PDSS2: variants seen among roughly 807,000 people sequenced by gnomAD.
PDSS2 encodes decaprenyl diphosphate synthase subunit 2.
In PDSS2, 31 loss-of-function variants were observed where a neutral mutation model predicts 44.5. The ratio of observed to expected loss-of-function variants is 0.70; its 90% CI spans 0.52 to 0.94. PDSS2 has a LOEUF of 0.94. PDSS2 is among the 40% of genes least tolerant of loss of function. PDSS2 has a pLI of 0.00. For missense variants in PDSS2, 452 were observed against 482.2 expected (o/e 0.94, Z 0.59); for synonymous variants, 157 against 180.3 (o/e 0.87, Z 1.03).
intron 1 of PDSS2, among the ~76,000 whole-genome samples, chr6:107,354,837 A>G (rs761057484): frequency 1.3e-5 from 2 of 152,218 alleles, no homozygotes; most frequent in African/African-American, 4.8e-5. Context: ...CCTGCAAAAT[A>G]ATATTTGGTA....
At chr6:107,265,804 G>A (rs1028281671) in intron 3 of PDSS2, among the ~76,000 whole-genome samples, 3 of 152,168 alleles carry the variant, frequency 2.0e-5, no homozygotes, top group African/African-American at 7.2e-5. Context: ...GCCAGATGTG[G>A]TGGTGGGCAC....
intron 1 of PDSS2, among the ~76,000 whole-genome samples, chr6:107,389,218 T>C (rs1447869469): frequency 6.6e-6 from 1 of 152,186 alleles, no homozygotes; most frequent in African/African-American, 2.4e-5. Context: ...TGAACTTTCA[T>C]GTATAAAAAG....
rs1782121143 is a variant in PDSS2, at chr6:107,458,412, C to CAAAAAAAGAAAAAA, written c.296+577_296+578insTTTTTTCTTTTTTT. Among the ~76,000 whole-genome samples, 2 of 78,182 alleles carry CAAAAAAAGAAAAAA rather than the reference C, an allele frequency of 2.6e-5. 1 individual carries two copies. The highest frequency in any genetic ancestry group is 4.9e-5 in the Non-Finnish European group (2 of 40,424). The allele number at this position is 78,182 out of a possible 152,430, so 51.3% of individuals were successfully genotyped here. On this transcript the variant is annotated intron_variant, in intron 1 of 7. Coordinates refer to ENST00000369037, the MANE Select transcript of PDSS2 (RefSeq NM_020381.4). The stretch of plus-strand genomic sequence containing the variant: ...TGGGCGACAAAGCGAGACTCCGTCT[C>CAAAAAAAGAAAAAA]AAAAAAAAAAAAAAAAAAAACTTTT...
chr6:107,159,444 T>G (rs1582711233), intron 7 of PDSS2, among the ~76,000 whole-genome samples: 1 of 138,104 alleles, frequency 7.2e-6, no homozygotes. Flanking sequence ...TGAGATGGAG[T>G]CTTGCTCTGT....
intron 4 of PDSS2, among the ~76,000 whole-genome samples, chr6:107,225,159 ATATTTTTTTTTTTTTTT>A (rs1178326960): frequency 1.7e-4 from 8 of 46,606 alleles, no homozygotes; most frequent in South Asian, 1.6e-3. Flanking sequence ...ATATATATAT[ATATTTTTTTTTTTTTTT>A]TTTTTTTTTT....
intron 1 of PDSS2, among the ~76,000 whole-genome samples, chr6:107,435,057 G>C (rs185418713): frequency 3.3e-5 from 5 of 151,944 alleles, no homozygotes; most frequent in Non-Finnish European, 5.9e-5. Flanking sequence ...CAGGAGGATT[G>C]GTTGAGCCCA....
At chr6:107,437,742 G>A (rs145372687) in intron 1 of PDSS2, among the ~76,000 whole-genome samples, 10 of 152,070 alleles carry the variant, frequency 6.6e-5, no homozygotes, top group South Asian at 4.2e-4. Flanking sequence ...AAAAATCTGC[G>A]TATAAGTAGA....
At chr6:107,181,388 C>CCTGGCAT (rs1257096799) in intron 7 of PDSS2, among the ~76,000 whole-genome samples, 1 of 150,902 alleles carries the variant, frequency 6.6e-6, no homozygotes, top group Non-Finnish European at 1.5e-5. Context: ...CAAAATGTAG[C>CCTGGCAT]CTGGCATGGC....
In PDSS2 at chr6:107,154,626, A is replaced by T. The variant is rs782189106; in HGVS notation, c.1193T>A (p.Phe398Tyr). 3 of 1,614,166 alleles carry T rather than the reference A, an allele frequency of 1.9e-6. No individual in the cohort carries two copies. The Admixed American group carries it at 5.0e-5, about 27-fold the overall frequency. ...TGTCTTTTTAATTTGATGTCATGAAAATCTGGTCACAGCAAACACAATGTT... is the reference window on the plus strand; with the variant it reads ...TGTCTTTTTAATTTGATGTCATGAATATCTGGTCACAGCAAACACAATGTT... ...LENIVFAVTR[F>Y]S Residue 398 changes from phenylalanine to tyrosine, a missense_variant, in exon 8 of 8, where the codon TTT becomes TAT. Phe to Tyr is a conservative substitution (Grantham distance 22). Coordinates refer to ENST00000369037, the MANE Select transcript of PDSS2 (RefSeq NM_020381.4).
chr6:107,282,186 G>A (rs184816589), intron 2 of PDSS2, among the ~76,000 whole-genome samples: 1 of 152,270 alleles, frequency 6.6e-6, no homozygotes, highest in Admixed American at 6.5e-5. Context: ...GATTAGAGGT[G>A]TGAGCCACTG....
chr6:107,261,815 G>T (rs1489131802), intron 3 of PDSS2, among the ~76,000 whole-genome samples: 1 of 150,762 alleles, frequency 6.6e-6, no homozygotes, highest in Non-Finnish European at 1.5e-5. Flanking sequence ...CTGACCTCAG[G>T]TGATCAACCT....
intron 2 of PDSS2, among the ~76,000 whole-genome samples, chr6:107,282,132 C>T (rs1445332299): frequency 6.6e-6 from 1 of 152,136 alleles, no homozygotes; most frequent in African/African-American, 2.4e-5. Context: ...TCTCGAACCG[C>T]TGACCTCAGG....
intron 1 of PDSS2, among the ~76,000 whole-genome samples, chr6:107,387,134 A>C (rs1263322411): frequency 6.6e-6 from 1 of 152,190 alleles, no homozygotes; most frequent in African/African-American, 2.4e-5. Flanking sequence ...CACATTCCCA[A>C]GGAGGGTCTG....
intron 2 of PDSS2, among the ~76,000 whole-genome samples, chr6:107,329,347 C>T (rs1378878514): frequency 6.6e-6 from 1 of 152,198 alleles, no homozygotes; most frequent in African/African-American, 2.4e-5. Flanking sequence ...GAACTCCCCA[C>T]AATTTATCCA....
At chr6:107,250,951 G>A (rs1774797366) in intron 3 of PDSS2, among the ~76,000 whole-genome samples, 1 of 152,104 alleles carries the variant, frequency 6.6e-6, no homozygotes, top group Non-Finnish European at 1.5e-5. Context: ...CATCTCCCGG[G>A]TTCAAGTGAT....
chr6:107,301,981 G>A (rs866862195), intron 2 of PDSS2, among the ~76,000 whole-genome samples: 1 of 149,024 alleles, frequency 6.7e-6, no homozygotes, highest in South Asian at 2.2e-4. Context: ...TGGGCTTAAG[G>A]TTTATTTTTT....
intron 1 of PDSS2, among the ~76,000 whole-genome samples, chr6:107,454,806 AC>A (rs1310813749): frequency 6.6e-6 from 1 of 151,574 alleles, no homozygotes; most frequent in African/African-American, 2.4e-5. Flanking sequence ...AAATAAAAAA[AC>A]AAAAAAAATA....
chr6:107,396,681 T>TTTC (rs1554276010), intron 1 of PDSS2, among the ~76,000 whole-genome samples: 19 of 60,206 alleles, frequency 3.2e-4, no homozygotes, highest in African/African-American at 6.8e-4. Flanking sequence ...CTTTTTTCTT[T>TTTC]TTTTTTTTTT....
chr6:107,313,515 G>A (rs1777110627), intron 2 of PDSS2, among the ~76,000 whole-genome samples: 1 of 151,918 alleles, frequency 6.6e-6, no homozygotes, highest in African/African-American at 2.4e-5. Context: ...ACCACACCCA[G>A]CTAACTTTTG....
Sources: gnomAD v4.1 joint callset for allele counts (sites outside exome capture counted in the v4.1 genomes callset) on GRCh38, gnomAD v4.1.1 for gene constraint, MANE v1.5 for transcripts, NCBI Gene and HGNC (gene_info 2026-07-23, HGNC 2026-07-21) for gene names.